ENG: variants seen among roughly 807,000 people sequenced by gnomAD.
The protein encoded by ENG is endoglin.
In ENG, 17 loss-of-function variants were observed where a neutral mutation model predicts 71.0. The observed-to-expected ratio is 0.24, with a 90% confidence interval of 0.16 to 0.36. The LOEUF is 0.36. Among genes scored for constraint, ENG ranks in the 10% least tolerant of loss-of-function variants. The pLI, the probability that ENG is intolerant of heterozygous loss-of-function variation, is 1.00. For missense variants in ENG, 749 were observed against 868.3 expected (o/e 0.86, Z 1.73); for synonymous variants, 360 against 366.9 (o/e 0.98, Z 0.21).
chr9:127,818,055 C>A, intron 12 of ENG, 65 bp downstream of exon 12: 1 of 1,612,270 alleles, frequency 6.2e-7, no homozygotes, highest in South Asian at 1.1e-5. Flanking sequence ...TGCCATGTCC[C>A]TTCCTGCAAA....
chr9:127,843,757 T>TATATATA (rs1831105965), intron 1 of ENG, among the ~76,000 whole-genome samples: 18 of 5,176 alleles, frequency 3.5e-3, no homozygotes, highest in South Asian at 0.011. Flanking sequence ...ATATATATAT[T>TATATATA]TTTTTTTTTT....
chr9:127,834,461 G>C (rs1282388925), intron 2 of ENG, among the ~76,000 whole-genome samples: 2 of 151,948 alleles, frequency 1.3e-5, no homozygotes, highest in African/African-American at 4.8e-5. Context: ...CCAGGCTAAA[G>C]TACAGCGATC....
chr9:127,831,043 A>T (rs1284599558), intron 2 of ENG, among the ~76,000 whole-genome samples: 1 of 152,192 alleles, frequency 6.6e-6, no homozygotes, highest in East Asian at 1.9e-4. Context: ...ATGTTTTTAT[A>T]ACAACAGCAA....
Position 127,818,143 on chromosome 9 carries a change from G to A in ENG, c.1663C>T (p.Pro555Ser). 1 of 1,614,212 alleles carries A rather than the reference G, an allele frequency of 6.2e-7. No homozygotes were observed. Residue 555 changes from proline (P) to serine (S), a missense_variant, in exon 12 of 15, where the codon CCC becomes TCC. By Grantham distance (74) the Pro-to-Ser change is moderately conservative. Transcript: ENST00000373203. The stretch of plus-strand genomic sequence containing the variant: ...ACCTGGTCTTGAGACCCGGTCTTGG[G>A]ACGCAGGGCTACCGTGCAGCTGAGG... ...GTLSCTVALR[P>S]KTGSQDQEVH...
chr9:127,824,415 G>T lies in ENG; in HGVS notation c.1023C>A (p.Ile341=), dbSNP rs909339898. The T allele has an allele frequency of 6.2e-7, 1 of 1,613,992 alleles. No homozygotes were observed. Among genetic ancestry groups the T allele is most frequent in the Non-Finnish European group, 8.5e-7 (1 of 1,179,964 alleles). Reference sequence around the variant, plus strand: ...AAGTGTCCTTGGGAGGAGTGGTCTGGATCGGTGCGGGTGAGGTCTGCAGCC... The same window carrying T: ...AAGTGTCCTTGGGAGGAGTGGTCTGTATCGGTGCGGGTGAGGTCTGCAGCC... The part of the protein sequence containing the change: ...GGRLQTSPAP[I]QTTPPKDTCS... The change falls in exon 8 of 15, where the codon ATC becomes ATA. Residue 341 remains isoleucine (I), a synonymous_variant. Transcript: ENST00000373203.
chr9:127,817,250 T>C, intron 12 of ENG, 47 bp from the exon 13 acceptor site: 1 of 1,606,940 alleles, frequency 6.2e-7, no homozygotes, highest in African/African-American at 1.3e-5. Context: ...GGGAGGCGGC[T>C]TCCAGGTTTA....
At position 127,838,952 on chromosome 9, in the gene ENG, C is replaced by G. The variant is rs369452788; in HGVS notation, c.219+4142G>C. On this transcript the variant is annotated intron_variant, in intron 2 of 14. Coordinates refer to ENST00000373203, the MANE Select transcript of ENG (RefSeq NM_001114753.3). The surrounding 1 kb of genome is among the most constrained non-coding windows in gnomAD (Gnocchi z 4.3). ...TGAGGGATGGACGGGAAAGCCACTT[C>G]TCTGTGCCAGAGATCGAAGAAGCCG... Among the ~76,000 whole-genome samples the G allele has an allele frequency of 2.6e-5, 4 of 152,188 alleles. No individual in the cohort carries two copies. The highest frequency in any genetic ancestry group is 7.2e-5 in the African/African-American group (3 of 41,440).
intron 2 of ENG, among the ~76,000 whole-genome samples, chr9:127,833,522 CAAAAAAAAAAA>C (rs57982372): frequency 0.021 from 1,425 of 66,874 alleles, 42 homozygotes; most frequent in African/African-American, 0.075. Context: ...AACTCCGCCT[CAAAAAAAAAAA>C]AAAAAAAAAA....
rs1009832590 is a variant in ENG at position 127,838,576 on chromosome 9, G to T, written c.219+4518C>A. ...CTGTGTCTGTTCAGGGGTGGGTGGG[G>T]TCTCAGCTGCCCCAAGTTTGCCCAG... On this transcript the variant is annotated intron_variant, in intron 2 of 14. Transcript: ENST00000373203. This position sits in a 1 kb window ranked among gnomAD's most constrained non-coding sequence, Gnocchi z 4.3. Among the ~76,000 whole-genome samples the T allele has an allele frequency of 7.2e-5, 11 of 152,338 alleles. No homozygotes were observed. The highest frequency in any genetic ancestry group is 1.2e-4 in the Non-Finnish European group (8 of 68,036).
In ENG at chr9:127,824,418, C is replaced by T. The variant is rs773748110; in HGVS notation, c.1020G>A (p.Pro340=). 2.0e-5 allele frequency: 32 copies of T among 1,602,802 alleles called. No individual in the cohort carries two copies. The highest frequency in any genetic ancestry group is 1.7e-4 in the Middle Eastern group (1 of 6,022). ...CGGRLQTSPA[P]IQTTPPKDTC... Reference sequence around the variant, plus strand: ...TGTCCTTGGGAGGAGTGGTCTGGATCGGTGCGGGTGAGGTCTGCAGCCTAC... The same window carrying T: ...TGTCCTTGGGAGGAGTGGTCTGGATTGGTGCGGGTGAGGTCTGCAGCCTAC... The change falls in exon 8 of 15, where the codon CCG becomes CCA. Residue 340 remains proline, a synonymous_variant. Coordinates refer to ENST00000373203, the MANE Select transcript of ENG (RefSeq NM_001114753.3).
intron 2 of ENG, among the ~76,000 whole-genome samples, chr9:127,837,174 G>A: frequency 6.6e-6 from 1 of 152,108 alleles, no homozygotes; most frequent in Admixed American, 6.6e-5. Context: ...GGGAAGCATG[G>A]GTCCAGTTAG....
At position 127,846,892 on chromosome 9, in the gene ENG, A is replaced by C; in HGVS notation, c.68-3647T>G. ...CCACTGTCCCCTCTCCACCCTCGCC[A>C]CCCATGTGCACACAGCACCTCCCAG... On this transcript the variant is annotated intron_variant, in intron 1 of 14. Coordinates refer to ENST00000373203, the MANE Select transcript of ENG (RefSeq NM_001114753.3). This position sits in a 1 kb window ranked among gnomAD's most constrained non-coding sequence, Gnocchi z 5.5. The C allele has an allele frequency of 1.0e-6, 1 of 985,372 alleles. No individual in the cohort carries two copies. The highest frequency in any genetic ancestry group is 1.2e-6 in the Non-Finnish European group (1 of 829,950). 61.0% of individuals were successfully genotyped at this position (985,372 alleles called of 1,614,324 possible). A position where few individuals can be genotyped will look rare whatever the true frequency, so the allele number is the denominator to read the frequency against.
At chr9:127,844,682 G>T (rs568692684) in intron 1 of ENG, among the ~76,000 whole-genome samples, 35 of 152,250 alleles carry the variant, frequency 2.3e-4, no homozygotes, top group Admixed American at 5.2e-4. Context: ...TCCCACCTCG[G>T]CCTCCCAAAG....
rs763763510 is a variant in ENG at position 127,825,255 on chromosome 9, G to A, written c.792C>T (p.Asp264=). The A allele has an allele frequency of 7.4e-6, 12 of 1,612,706 alleles. No individual in the cohort carries two copies. The East Asian group carries it at 8.9e-5, about 12-fold the overall frequency. The change falls in exon 6 of 15, where the codon GAC becomes GAT. Residue 264 remains aspartate (D), a synonymous_variant. Coordinates refer to ENST00000373203, the MANE Select transcript of ENG (RefSeq NM_001114753.3). ...QGPPYVSWLI[D]ANHNMQIWTT... ...CCCAGATCTGCATGTTGTGGTTGGC[G>A]TCGATGAGCCAGGACACGTAGGGGG... is the stretch of plus-strand genomic sequence containing the variant.
At chr9:127,847,296 A>C (rs1421130635) in intron 1 of ENG, 1 of 152,226 alleles carries the variant, frequency 6.6e-6, no homozygotes, top group Non-Finnish European at 1.5e-5. Context: ...ATTTAAACCC[A>C]GACAGTCTGG....
At chr9:127,826,480 G>A (rs761167135) in intron 4 of ENG, 30 bp downstream of exon 4, 10 of 1,613,708 alleles carry the variant, frequency 6.2e-6, no homozygotes, top group Middle Eastern at 3.3e-4. Flanking sequence ...GCAGTATCAT[G>A]AGCCCAGAGA....
Position 127,846,831 on chromosome 9 carries a change from G to A in ENG, c.68-3586C>T. ...GGAGCCGCTGGGGGCCTGGGTGACT[G>A]GAACCCCAAGTGAGAGACCCAGAAG... On this transcript the variant is annotated intron_variant, in intron 1 of 14. Coordinates refer to ENST00000373203, the MANE Select transcript of ENG (RefSeq NM_001114753.3). The surrounding 1 kb of genome is among the most constrained non-coding windows in gnomAD (Gnocchi z 5.5). 2.0e-6 allele frequency: 2 copies of A among 981,660 alleles called. No individual in the cohort carries two copies. Among genetic ancestry groups the A allele is most frequent in the Non-Finnish European group, 2.4e-6 (2 of 826,542 alleles). The allele number at this position is 981,660 out of a possible 1,614,324, so 60.8% of individuals were successfully genotyped here.
chr9:127,853,199 T>G (rs1050438578), intron 1 of ENG, among the ~76,000 whole-genome samples: 1 of 152,064 alleles, frequency 6.6e-6, no homozygotes, highest in Non-Finnish European at 1.5e-5. Context: ...TTCCTGTCAA[T>G]CAGGTGGTGG....
chr9:127,815,440 T>G lies in ENG; in HGVS notation c.*242A>C. ...ACAGCGTGGCAAGTGGTCTGTCTCC[T>G]GGGCAGCCATATCCCAGACCCACTG... On this transcript the variant is annotated 3_prime_UTR_variant, in exon 15 of 15. Coordinates refer to ENST00000373203, the MANE Select transcript of ENG (RefSeq NM_001114753.3). 1.5e-6 allele frequency: 1 copy of G among 682,904 alleles called. No individual in the cohort carries two copies. The highest frequency in any genetic ancestry group is 2.9e-5 in the East Asian group (1 of 34,834). 42.3% of individuals were successfully genotyped at this position (682,904 alleles called of 1,614,324 possible). A position where few individuals can be genotyped will look rare whatever the true frequency, so the allele number is the denominator to read the frequency against.
Sources: gnomAD v4.1 joint callset for allele counts (sites outside exome capture counted in the v4.1 genomes callset) on GRCh38, gnomAD v4.1.1 for gene constraint, Gnocchi (gnomAD v3.1) non-coding constraint, MANE v1.5 for transcripts, NCBI Gene and HGNC (gene_info 2026-07-23, HGNC 2026-07-21) for gene names.